The following PPP2R5C variants were observed in gnomAD, a reference collection of about 807,000 sequenced individuals.
PPP2R5C encodes the protein protein phosphatase 2 regulatory subunit B'gamma.
Under a neutral mutation model 68.9 loss-of-function variants are expected in PPP2R5C, and 7 were observed. The ratio of observed to expected loss-of-function variants is 0.10; its 90% CI spans 0.06 to 0.19. The LOEUF is 0.19. Among genes scored for constraint, PPP2R5C ranks in the 10% least tolerant of loss-of-function variants. The probability of loss-of-function intolerance (pLI) is 1.00; values close to 1 mark genes in which losing one functional copy is unlikely to be tolerated. For missense variants in PPP2R5C, 348 were observed against 641.3 expected, an observed-to-expected ratio of 0.54 and a Z score of 4.94; for synonymous variants, 210 against 222.2, an observed-to-expected ratio of 0.95 and a Z score of 0.49.
chr14:101,786,164 A>T (rs774674531), exon 3 of PPP2R5C: 9 of 1,569,346 alleles, frequency 5.7e-6, no homozygotes, highest in Non-Finnish European at 7.7e-6. Context: ...GAGAACTTCA[A>T]AAACTACCAT....
At chr14:101,837,427 G>A (rs140489114) in intron 1 of PPP2R5C, among the ~76,000 whole-genome samples, 2,993 of 152,182 alleles carry the variant, frequency 0.02, 45 homozygotes, top group Middle Eastern at 0.075. Context: ...GATTACAGGC[G>A]TGAGCCACCG....
At chr14:101,774,676 G>A (rs889578245) in intron 2 of PPP2R5C, among the ~76,000 whole-genome samples, 3 of 152,178 alleles carry the variant, frequency 2.0e-5, no homozygotes, top group African/African-American at 7.2e-5. Flanking sequence ...ACTGGAGGTC[G>A]TAACTTGCCT....
chr14:101,870,057 TTTTTTTTTTGAG>T (rs2043301165), intron 2 of PPP2R5C, among the ~76,000 whole-genome samples: 1 of 147,122 alleles, frequency 6.8e-6, no homozygotes, highest in African/African-American at 2.5e-5. Flanking sequence ...TTTTTTTTTT[TTTTTTTTTTGAG>T]TTTTGAGTTT....
intron 1 of PPP2R5C, among the ~76,000 whole-genome samples, chr14:101,812,401 G>C (rs1045332163): frequency 4.6e-5 from 7 of 152,224 alleles, no homozygotes; most frequent in Non-Finnish European, 1.0e-4. Flanking sequence ...TGCTCACTCG[G>C]ATGGGGTGGG....
At position 101,799,220 on chromosome 14, in the gene PPP2R5C, G is replaced by A. The variant is rs191582282; in HGVS notation, c.259+13037G>A. Among the ~76,000 whole-genome samples the A allele has an allele frequency of 6.1e-4, 93 of 152,264 alleles. No individual in the cohort carries two copies. The South Asian group carries it at 0.011, about 18-fold the overall frequency. ...GGTGGCTCTGCTGCATCCCCACGCC[G>A]CAGCTGAAGGGATCTTTCTGTTGGC... On this transcript the variant is annotated intron_variant, in intron 3 of 14. Coordinates refer to the PPP2R5C transcript ENST00000328724.
chr14:101,921,659 CTTTTAA>C (rs1249066140), intron 13 of PPP2R5C, among the ~76,000 whole-genome samples: 1 of 152,006 alleles, frequency 6.6e-6, no homozygotes, highest in Non-Finnish European at 1.5e-5. Context: ...ATTCAGTGCC[CTTTTAA>C]TTTTATTTTC....
chr14:101,857,562 A>C (rs2042496864), intron 2 of PPP2R5C, among the ~76,000 whole-genome samples: 2 of 152,184 alleles, frequency 1.3e-5, no homozygotes. Flanking sequence ...CAGTTAGTTC[A>C]CTGTTGGTTT....
chr14:101,887,067 T>A (rs1296225229), intron 5 of PPP2R5C, among the ~76,000 whole-genome samples: 3 of 152,202 alleles, frequency 2.0e-5, no homozygotes, highest in Non-Finnish European at 2.9e-5. Flanking sequence ...AACAGCTGTG[T>A]CTTGTAAGAA....
chr14:101,894,029 A>G lies in PPP2R5C; in HGVS notation c.799-478A>G, dbSNP rs530786177. The stretch of plus-strand genomic sequence containing the variant: ...CAGAGCTTATGGTAGGGGCTAAATG[A>G]CAAAAAGTATATTCTTTAATTGATT... On this transcript the variant is annotated intron_variant, in intron 7 of 13. Transcript: ENST00000334743. 1.2e-4 allele frequency among the ~76,000 whole-genome samples: 18 copies of G among 152,366 alleles called. No individual in the cohort carries two copies. The South Asian group carries it at 3.7e-3, about 32-fold the overall frequency.
chr14:101,829,596 T>C (rs1176353731), intron 1 of PPP2R5C, among the ~76,000 whole-genome samples: 2 of 152,260 alleles, frequency 1.3e-5, no homozygotes, highest in African/African-American at 4.8e-5. Context: ...AGACCTCTTA[T>C]AATATTCCAT....
At chr14:101,787,149 C>G (rs1004684741) in intron 3 of PPP2R5C, among the ~76,000 whole-genome samples, 3 of 152,184 alleles carry the variant, frequency 2.0e-5, no homozygotes, top group Admixed American at 6.5e-5. Flanking sequence ...ACTCAGGAGG[C>G]TGAAGTGGGA....
rs1287556778 is a variant in PPP2R5C at position 101,899,414 on chromosome 14, C to T, written c.853-2305C>T. ...AAAACTCGGGGCCTTGTGCTGCACC[C>T]AGCAGCACACAGCCATTGTTGCCTC... is the stretch of plus-strand genomic sequence containing the variant. On this transcript the variant is annotated intron_variant, in intron 8 of 13. Transcript: ENST00000334743. This position sits in a 1 kb window ranked among gnomAD's most constrained non-coding sequence, Gnocchi z 4.2. Among the ~76,000 whole-genome samples, 1 of 152,216 alleles carries T rather than the reference C, an allele frequency of 6.6e-6. No homozygotes were observed. Among genetic ancestry groups the T allele is most frequent in the Non-Finnish European group, 1.5e-5 (1 of 68,036 alleles).
chr14:101,817,273 AAAAT>A (rs1210945029), intron 1 of PPP2R5C, among the ~76,000 whole-genome samples: 5 of 152,162 alleles, frequency 3.3e-5, no homozygotes, highest in African/African-American at 1.2e-4. Flanking sequence ...ATATTTTTAA[AAAAT>A]AAGGCTGTTT....
Position 101,894,578 on chromosome 14 carries a change from C to T in PPP2R5C, c.852+18C>T, listed in dbSNP as rs764259054. 23 of 1,608,508 alleles carry T rather than the reference C, an allele frequency of 1.4e-5. No homozygotes were observed. Among genetic ancestry groups the T allele is most frequent in the South Asian group, 1.4e-4 (13 of 90,938 alleles). On this transcript the variant is annotated intron_variant, in intron 8 of 13. Coordinates refer to ENST00000334743, the Ensembl canonical transcript of PPP2R5C. ...CGGAACCAGTAAGTACTGATGCTAG[C>T]GCGTCTTGTAAGATGTGTGCATTTC... is the stretch of plus-strand genomic sequence containing the variant.
At chr14:101,784,295 C>A (rs2037981403) in intron 2 of PPP2R5C, among the ~76,000 whole-genome samples, 1 of 152,178 alleles carries the variant, frequency 6.6e-6, no homozygotes, top group African/African-American at 2.4e-5. Flanking sequence ...TGGCCCTAAA[C>A]TAGGTAGGTT....
intron 1 of PPP2R5C, among the ~76,000 whole-genome samples, chr14:101,830,302 A>G (rs1350189798): frequency 6.6e-6 from 1 of 152,216 alleles, no homozygotes. Context: ...TCACAAGTAG[A>G]ACTTGGGAAC....
chr14:101,888,231 T>C lies in PPP2R5C; in HGVS notation c.630-2006T>C, dbSNP rs1415456882. Among the ~76,000 whole-genome samples, 1 of 151,938 alleles carries C rather than the reference T, an allele frequency of 6.6e-6. No individual in the cohort carries two copies. The highest frequency in any genetic ancestry group is 1.9e-4 in the East Asian group (1 of 5,166). ...CTCTCCAAGGTCCATGCGAGAGGAA[T>C]AGTAAACTGAAGCCACACGGCTGCC... On this transcript the variant is annotated intron_variant, in intron 5 of 13. Transcript: ENST00000334743. The surrounding 1 kb of genome is among the most constrained non-coding windows in gnomAD (Gnocchi z 5.6).
At chr14:101,886,280 C>CAAAAAAAAAAA (rs57167968) in intron 5 of PPP2R5C, among the ~76,000 whole-genome samples, 1 of 103,972 alleles carries the variant, frequency 9.6e-6, no homozygotes. Context: ...GACTCCGTCT[C>CAAAAAAAAAAA]AAAAAAAAAA....
chr14:101,841,738 AG>A (rs1157536293), intron 1 of PPP2R5C, among the ~76,000 whole-genome samples: 1 of 152,160 alleles, frequency 6.6e-6, no homozygotes, highest in Non-Finnish European at 1.5e-5. Context: ...AGGGGAGGGG[AG>A]CACCTGTCAA....
Sources: gnomAD v4.1 joint callset for allele counts (sites outside exome capture counted in the v4.1 genomes callset) on GRCh38, gnomAD v4.1.1 for gene constraint, Gnocchi (gnomAD v3.1) non-coding constraint, MANE v1.5 for transcripts, NCBI Gene and HGNC (gene_info 2026-07-23, HGNC 2026-07-21) for gene names.